AFAP1L1: variants seen among roughly 807,000 people sequenced by gnomAD.
AFAP1L1 encodes the protein actin filament-associated protein 1-like 1.
A neutral mutation model predicts 99.8 loss-of-function variants in AFAP1L1; 77 were observed. The observed-to-expected ratio is 0.77, with a 90% CI of 0.64 to 0.93. AFAP1L1 has a LOEUF of 0.93. AFAP1L1 is among the 40% of genes least tolerant of loss of function. The probability of loss-of-function intolerance (pLI) is 0.00; values close to 1 mark genes in which losing one functional copy is unlikely to be tolerated. For synonymous variants in AFAP1L1, 373 were observed against 395.3 expected (o/e 0.94, Z 0.67); for missense variants, 893 against 996.8 (o/e 0.90, Z 1.40).
At position 149,294,988 on chromosome 5, in the gene AFAP1L1, G is replaced by A. The variant is rs950392325; in HGVS notation, c.17-4521G>A. 1.2e-4 allele frequency among the ~76,000 whole-genome samples: 19 copies of A among 152,314 alleles called. No homozygotes were observed. In the South Asian group the frequency reaches 1.7e-3, roughly 13 times the overall value. ...GCCTCCATTTCCTCCTTTGTAGGGC[G>A]CTGGAGGATTAGATGAGATAATGTG... On this transcript the variant is annotated intron_variant, in intron 1 of 18. Transcript: ENST00000296721.
At chr5:149,330,411 G>A (rs1432544319) in intron 16 of AFAP1L1, among the ~76,000 whole-genome samples, 7 of 152,158 alleles carry the variant, frequency 4.6e-5, no homozygotes, top group Non-Finnish European at 8.8e-5. Context: ...CAGAAGTCCT[G>A]TTTCTATATA....
intron 1 of AFAP1L1, among the ~76,000 whole-genome samples, chr5:149,298,579 A>T (rs1168755941): frequency 6.6e-6 from 1 of 152,200 alleles, no homozygotes; most frequent in Admixed American, 6.5e-5. Flanking sequence ...ACTGATAATG[A>T]TTGTTCAGTA....
chr5:149,342,549 G>A lies in AFAP1L1; in HGVS notation c.*2519G>A, dbSNP rs1331665442. On this transcript the variant is annotated 3_prime_UTR_variant, in exon 19 of 19. Coordinates refer to ENST00000296721, the MANE Select transcript of AFAP1L1 (RefSeq NM_152406.4). ...GGATGCAAGCAGCAACCTGGTGAACGTTAGGCAGCTAGGAGAAATGTAAGC... is the reference window on the plus strand; with the variant it reads ...GGATGCAAGCAGCAACCTGGTGAACATTAGGCAGCTAGGAGAAATGTAAGC... 1.3e-5 allele frequency among the ~76,000 whole-genome samples: 2 copies of A among 152,220 alleles called. No homozygotes were observed. The highest frequency in any genetic ancestry group is 6.5e-5 in the Admixed American group (1 of 15,278).
At chr5:149,310,497 C>T (rs958977299) in intron 8 of AFAP1L1, among the ~76,000 whole-genome samples, 3 of 152,182 alleles carry the variant, frequency 2.0e-5, no homozygotes, top group Non-Finnish European at 4.4e-5. Context: ...AAGGAAAAAT[C>T]CTTCCTTGCC....
chr5:149,294,279 G>A (rs147234321), intron 1 of AFAP1L1, among the ~76,000 whole-genome samples: 2 of 152,156 alleles, frequency 1.3e-5, no homozygotes, highest in Admixed American at 6.5e-5. Flanking sequence ...CAACAATCCC[G>A]CTGGAGGAGT....
chr5:149,282,459 C>A (rs1028575250), intron 1 of AFAP1L1, among the ~76,000 whole-genome samples: 1 of 152,150 alleles, frequency 6.6e-6, no homozygotes, highest in Non-Finnish European at 1.5e-5. Flanking sequence ...GGATCCTAAC[C>A]AAGTTCCTTG....
chr5:149,316,084 A>G (rs17109947), intron 10 of AFAP1L1, 67 bp from the exon 11 acceptor site: 18,611 of 1,591,228 alleles, frequency 0.012, 837 homozygotes, highest in East Asian at 0.12. Flanking sequence ...TGAAAAGGCC[A>G]CAAGGAAGAC....
chr5:149,299,751 C>A (rs190580963), intron 2 of AFAP1L1, 114 bp downstream of exon 2: 4 of 1,467,788 alleles, frequency 2.7e-6, no homozygotes, highest in Non-Finnish European at 3.7e-6. Flanking sequence ...CCCCCAGGGG[C>A]TGCCGCAGGA....
chr5:149,302,644 C>T (rs1230455823), intron 5 of AFAP1L1, 118 bp downstream of exon 5: 2 of 893,884 alleles, frequency 2.2e-6, no homozygotes, highest in African/African-American at 3.4e-5. Flanking sequence ...CCAACCATGT[C>T]ACCATTGGCT....
At chr5:149,284,264 A>G (rs959054963) in intron 1 of AFAP1L1, among the ~76,000 whole-genome samples, 2 of 152,150 alleles carry the variant, frequency 1.3e-5, no homozygotes, top group Non-Finnish European at 1.5e-5. Context: ...GCGGCTTGCA[A>G]TCTGTAACTA....
intron 1 of AFAP1L1, among the ~76,000 whole-genome samples, chr5:149,298,329 A>C (rs1349866541): frequency 6.6e-6 from 1 of 152,176 alleles, no homozygotes; most frequent in Admixed American, 6.5e-5. Context: ...AGGGGTGATC[A>C]TGGGACCTAC....
At chr5:149,295,078 C>T (rs761640851) in intron 1 of AFAP1L1, among the ~76,000 whole-genome samples, 2 of 152,244 alleles carry the variant, frequency 1.3e-5, no homozygotes, top group Non-Finnish European at 2.9e-5. Flanking sequence ...TCAGTGCAAG[C>T]TGTGCTTTGC....
Position 149,316,296 on chromosome 5 carries a change from C to T in AFAP1L1, c.1260C>T (p.Pro420=), listed in dbSNP as rs2127598662. 1 of 1,613,794 alleles carries T rather than the reference C, an allele frequency of 6.2e-7. No individual in the cohort carries two copies. Among genetic ancestry groups the T allele is most frequent in the Admixed American group, 1.7e-5 (1 of 60,004 alleles). The change falls in exon 11 of 19, where the codon CCC becomes CCT. Residue 420 remains proline, a synonymous_variant. Transcript: ENST00000296721. ...LQTSSTEEEV[P]CCGYLNVLVN... ...CGTCCTCCACCGAGGAGGAGGTTCC[C>T]TGCTGTGGTGGGTCCAGGGCACGGG...
chr5:149,319,370 G>A (rs1263271685), intron 12 of AFAP1L1, among the ~76,000 whole-genome samples: 17 of 152,198 alleles, frequency 1.1e-4, no homozygotes, highest in Admixed American at 1.1e-3. Context: ...GGGCCTCCCT[G>A]AGGAGGTGAC....
intron 1 of AFAP1L1, among the ~76,000 whole-genome samples, chr5:149,280,223 A>G (rs1193949492): frequency 1.3e-5 from 2 of 152,204 alleles, no homozygotes; most frequent in East Asian, 3.8e-4. Context: ...CATCCTTTAT[A>G]CAGTCAAATC....
rs1756926420 is a variant in AFAP1L1 at position 149,320,716 on chromosome 5, A to G, written c.1698+253A>G. Among the ~76,000 whole-genome samples, 1 of 152,106 alleles carries G rather than the reference A, an allele frequency of 6.6e-6. No homozygotes were observed. The highest frequency in any genetic ancestry group is 2.1e-4 in the South Asian group (1 of 4,828). ...TGTGCAGACTCCCAAACACTACCAA[A>G]AGGTGAGGCATCGTCTCCGGTTTGA... On this transcript the variant is annotated intron_variant, in intron 14 of 18. Transcript: ENST00000296721. The surrounding 1 kb of genome is among the most constrained non-coding windows in gnomAD (Gnocchi z 4.0).
At chr5:149,296,838 G>A (rs555445092) in intron 1 of AFAP1L1, among the ~76,000 whole-genome samples, 2 of 152,114 alleles carry the variant, frequency 1.3e-5, no homozygotes, top group South Asian at 2.1e-4. Flanking sequence ...ATCATGGCTG[G>A]GGAGGCCTCA....
chr5:149,322,244 G>A (rs1444867053), intron 14 of AFAP1L1, among the ~76,000 whole-genome samples: 1 of 152,032 alleles, frequency 6.6e-6, no homozygotes, highest in Non-Finnish European at 1.5e-5. Flanking sequence ...CTTGAGGGAA[G>A]ACTGTTTTCT....
At chr5:149,292,998 T>A (rs1755906570) in intron 1 of AFAP1L1, among the ~76,000 whole-genome samples, 4 of 152,214 alleles carry the variant, frequency 2.6e-5, no homozygotes, top group Admixed American at 2.6e-4. Context: ...CGCCAGCTCC[T>A]TGTGCCACAG....
Sources: gnomAD v4.1 joint callset for allele counts (sites outside exome capture counted in the v4.1 genomes callset) on GRCh38, gnomAD v4.1.1 for gene constraint, Gnocchi (gnomAD v3.1) non-coding constraint, MANE v1.5 for transcripts, NCBI Gene and HGNC (gene_info 2026-07-23, HGNC 2026-07-21) for gene names.